The following KLHL15 variants were observed in gnomAD, a reference collection of about 807,000 sequenced individuals.
KLHL15 encodes kelch like family member 15.
A neutral mutation model predicts 29.3 loss-of-function variants in KLHL15; 1 was observed. The ratio of observed to expected loss-of-function variants is 0.03; its 90% confidence interval spans 0.01 to 0.16. The LOEUF (loss-of-function observed/expected upper bound fraction) is 0.16. KLHL15 is among the 10% of genes least tolerant of loss of function. The pLI, the probability that KLHL15 is intolerant of heterozygous loss-of-function variation, is 1.00. For missense variants in KLHL15, 215 were observed against 478.5 expected, an observed-to-expected ratio of 0.45 and a Z score of 5.14; for synonymous variants, 212 against 184.5, an observed-to-expected ratio of 1.15 and a Z score of -1.21.
intron 3 of KLHL15, among the ~76,000 whole-genome samples, chrX:24,003,328 G>C (rs1184466939): frequency 9.2e-6 from 1 of 108,550 alleles, no homozygotes; most frequent in Non-Finnish European, 1.9e-5. Context: ...GGCGGATCAC[G>C]AGGTCAGGAG....
rs1180584278 is a variant in KLHL15, at chrX:23,985,212, G to A, written c.*2709C>T. 1 of 111,079 alleles carries A rather than the reference G, an allele frequency of 9.0e-6. No individual in the cohort carries two copies. Among genetic ancestry groups the A allele is most frequent in the Non-Finnish European group, 1.9e-5 (1 of 52,950 alleles). 9.2% of individuals were successfully genotyped at this position (111,079 alleles called of 1,213,427 possible). ...TAAAGTGAAAACAACACGCATAAAG[G>A]TCATAACAGTTAAACTGTATAGATT... On this transcript the variant is annotated 3_prime_UTR_variant, in exon 4 of 4. Transcript: ENST00000328046.
At chrX:24,004,794 A>G (rs1929413792) in intron 3 of KLHL15, among the ~76,000 whole-genome samples, 1 of 110,092 alleles carries the variant, frequency 9.1e-6, no homozygotes, top group African/African-American at 3.3e-5. Flanking sequence ...TGTCTCAAAA[A>G]AAAAAAAAAA....
At chrX:23,991,754 A>G (rs1929092643) in intron 3 of KLHL15, among the ~76,000 whole-genome samples, 1 of 111,451 alleles carries the variant, frequency 9.0e-6, no homozygotes, top group South Asian at 3.8e-4. Context: ...TAGTAGAATC[A>G]CTTGAACCTG....
chrX:24,002,985 C>T (rs752585164), intron 3 of KLHL15, among the ~76,000 whole-genome samples: 3 of 112,766 alleles, frequency 2.7e-5, no homozygotes, highest in Non-Finnish European at 5.6e-5. Flanking sequence ...CTGTAACATA[C>T]ACTTGCCCTT....
At chrX:24,008,620 CTTAA>C (rs772741095) in intron 2 of KLHL15, among the ~76,000 whole-genome samples, 21 of 110,618 alleles carry the variant, frequency 1.9e-4, no homozygotes, top group Non-Finnish European at 3.0e-4. Flanking sequence ...CATCTATCTT[CTTAA>C]TTCTCATCCT....
intron 3 of KLHL15, among the ~76,000 whole-genome samples, chrX:23,999,380 G>A (rs1241173185): frequency 9.2e-6 from 1 of 108,894 alleles, no homozygotes; most frequent in African/African-American, 3.3e-5. Flanking sequence ...CGGATCACGA[G>A]GTCAGGAGAT....
At chrX:24,005,458 G>A (rs1383161916) in intron 3 of KLHL15, among the ~76,000 whole-genome samples, 1 of 111,528 alleles carries the variant, frequency 9.0e-6, no homozygotes, top group African/African-American at 3.3e-5. Context: ...AAAACCAGAA[G>A]GTAAGAGCAG....
chrX:24,007,615 G>T (rs922788758), intron 2 of KLHL15, among the ~76,000 whole-genome samples: 7 of 101,489 alleles, frequency 6.9e-5, no homozygotes, highest in Non-Finnish European at 1.4e-4. Context: ...AATATACTTT[G>T]AACAGGTTCC....
chrX:24,010,184 G>A (rs961314574), intron 2 of KLHL15, among the ~76,000 whole-genome samples: 5 of 110,618 alleles, frequency 4.5e-5, no homozygotes, highest in Non-Finnish European at 9.4e-5. Flanking sequence ...TCCAAAACTG[G>A]TCTACATCTG....
intron 3 of KLHL15, among the ~76,000 whole-genome samples, chrX:23,994,063 G>GA (rs1019848887): frequency 3.2e-5 from 3 of 92,560 alleles, no homozygotes; most frequent in Non-Finnish European, 6.2e-5. Context: ...AAAAAAAAAA[G>GA]AAAAAAAGAA....
intron 2 of KLHL15, among the ~76,000 whole-genome samples, chrX:24,008,405 A>T (rs1302533380): frequency 9.0e-6 from 1 of 111,018 alleles, no homozygotes; most frequent in Non-Finnish European, 1.9e-5. Flanking sequence ...ACGCCCAGCT[A>T]ATTTTTGTAT....
intron 3 of KLHL15, among the ~76,000 whole-genome samples, chrX:24,003,610 CG>C (rs1363564283): frequency 9.6e-6 from 1 of 104,326 alleles, no homozygotes; most frequent in Non-Finnish European, 1.9e-5. Flanking sequence ...CCTATATGTA[CG>C]GTAAGAGCAC....
intron 2 of KLHL15, among the ~76,000 whole-genome samples, chrX:24,018,971 C>T (rs1011062131): frequency 4.5e-5 from 5 of 111,670 alleles, no homozygotes; most frequent in Non-Finnish European, 9.4e-5. Context: ...CCACCTCCAG[C>T]CAGGGCGACA....
chrX:23,998,203 C>T lies in KLHL15; in HGVS notation c.705+7786G>A, dbSNP rs377506965. 1.4e-4 allele frequency among the ~76,000 whole-genome samples: 15 copies of T among 110,056 alleles called. No individual in the cohort carries two copies. In the East Asian group the frequency reaches 2.9e-3, roughly 21 times the overall value. On this transcript the variant is annotated intron_variant, in intron 3 of 3. Transcript: ENST00000328046. ...GTCTCGAACTCCTGACCTTGTGATCCGCCCGCCTTGGCTTCCCAAAGTGCT... is the reference window on the plus strand; with the variant it reads ...GTCTCGAACTCCTGACCTTGTGATCTGCCCGCCTTGGCTTCCCAAAGTGCT...
At position 23,984,588 on chromosome X, in the gene KLHL15, TGAGA is replaced by T. The variant is rs1178698808; in HGVS notation, c.*3329_*3332del. The T allele has an allele frequency of 2.7e-5, 3 of 112,533 alleles. No homozygotes were observed. Among genetic ancestry groups the T allele is most frequent in the Admixed American group, 9.5e-5 (1 of 10,569 alleles). The allele number at this position is 112,533 out of a possible 1,213,427, so 9.3% of individuals were successfully genotyped here. On this transcript the variant is annotated 3_prime_UTR_variant, in exon 4 of 4. Coordinates refer to ENST00000328046, the MANE Select transcript of KLHL15 (RefSeq NM_030624.3). ...AATTCTCAAAAGAGCTAGTCTCCTC[TGAGA>T]GATAGCTTATAAACTGAAATAACAA...
chrX:24,005,863 T>A (rs1281644534), intron 3 of KLHL15, 126 bp downstream of exon 3: 1 of 506,215 alleles, frequency 2.0e-6, no homozygotes, highest in Non-Finnish European at 3.3e-6. Flanking sequence ...CATTCTTGAA[T>A]AACATAAGAA....
intron 1 of KLHL15, among the ~76,000 whole-genome samples, chrX:24,025,585 G>C (rs1929913468): frequency 9.2e-6 from 1 of 108,628 alleles, no homozygotes; most frequent in South Asian, 3.8e-4. Flanking sequence ...CTCGGCCCCT[G>C]CTGGCGCCCC....
chrX:24,004,449 G>T (rs1929402344), intron 3 of KLHL15, among the ~76,000 whole-genome samples: 1 of 112,093 alleles, frequency 8.9e-6, no homozygotes, highest in South Asian at 3.6e-4. Flanking sequence ...AGAGACAAAT[G>T]ATTTACATAA....
intron 3 of KLHL15, among the ~76,000 whole-genome samples, chrX:24,002,145 A>G (rs1368411793): frequency 9.1e-6 from 1 of 110,135 alleles, no homozygotes; most frequent in Non-Finnish European, 1.9e-5. Flanking sequence ...AAGAAAATGA[A>G]TAAATAAATA....
Sources: gnomAD v4.1 joint callset for allele counts (sites outside exome capture counted in the v4.1 genomes callset) on GRCh38, gnomAD v4.1.1 for gene constraint, MANE v1.5 for transcripts, NCBI Gene and HGNC (gene_info 2026-07-23, HGNC 2026-07-21) for gene names.